The following ANKRD26 variants were observed in gnomAD, a reference collection of about 807,000 sequenced individuals.
ANKRD26 encodes ankyrin repeat domain-containing protein 26.
ANKRD26 carries 141 observed loss-of-function variants against 208.7 expected under a neutral mutation model. The ratio of observed to expected loss-of-function variants is 0.68; its 90% CI spans 0.59 to 0.78. ANKRD26 has a LOEUF of 0.78. Ranked by LOEUF, ANKRD26 falls within the 30% of genes least tolerant of loss-of-function variation. The pLI, the probability that ANKRD26 is intolerant of heterozygous loss-of-function variation, is 0.00. For synonymous variants in ANKRD26, 636 were observed against 660.4 expected (o/e 0.96, Z 0.57); for missense variants, 1,889 against 1,938.7 (o/e 0.97, Z 0.48).
intron 4 of ANKRD26, among the ~76,000 whole-genome samples, chr10:26,997,752 C>T (rs929474706): frequency 6.6e-6 from 1 of 152,138 alleles, no homozygotes; most frequent in Non-Finnish European, 1.5e-5. Context: ...TCTCAGGTAG[C>T]CATGTGTTTC....
At chr10:27,046,548 CAG>C in intron 17 of ANKRD26, 25 bp from the exon 18 acceptor site, 1 of 1,607,454 alleles carries the variant, frequency 6.2e-7, no homozygotes, top group East Asian at 2.2e-5. Context: ...TGGGAAATGA[CAG>C]TTACATAAGA....
At chr10:27,052,931 G>A (rs1016183847) in intron 16 of ANKRD26, among the ~76,000 whole-genome samples, 3 of 152,138 alleles carry the variant, frequency 2.0e-5, no homozygotes, top group Admixed American at 6.5e-5. Context: ...ACTCCTTTAA[G>A]ATGAATCCAA....
chr10:26,968,117 C>T, the ANKRD26 span, among the ~76,000 whole-genome samples: 1 of 152,172 alleles, frequency 6.6e-6, no homozygotes, highest in South Asian at 2.1e-4. Context: ...CTTTATAGGT[C>T]TCCAAGTTTT....
At chr10:27,068,905 G>A (rs1312391829) in intron 9 of ANKRD26, among the ~76,000 whole-genome samples, 3 of 151,202 alleles carry the variant, frequency 2.0e-5, no homozygotes, top group South Asian at 2.1e-4. Context: ...TATGAGAAAC[G>A]AGGTCGGGCG....
chr10:27,093,798 T>C lies in ANKRD26; in HGVS notation c.244A>G (p.Thr82Ala), dbSNP rs2056378213. The C allele has an allele frequency of 1.2e-6, 2 of 1,611,946 alleles. No homozygotes were observed. The highest frequency in any genetic ancestry group is 1.3e-5 in the African/African-American group (1 of 74,850). ...TTGGCACAGGCCAAATGTAGAGCCG[T>C]CCTATGAGAGTGACAGGACTTTTTA... ...GLNDRDKMNRTALHLACANGH... is the reference protein window; with the variant it reads ...GLNDRDKMNRAALHLACANGH... The change falls in exon 2 of 34, where the codon ACG (threonine) becomes GCG (alanine). Residue 82 changes from threonine (T) to alanine (A), a missense_variant and splice_region_variant. Physicochemically the swap from Thr to Ala is moderately conservative, Grantham distance 58. Transcript: ENST00000376087.
chr10:27,077,961 G>A (rs761586487), intron 7 of ANKRD26, among the ~76,000 whole-genome samples: 14 of 152,152 alleles, frequency 9.2e-5, no homozygotes, highest in Non-Finnish European at 1.5e-4. Flanking sequence ...ATATCTGTTC[G>A]ATTATTTTCT....
chr10:27,057,359 T>C (rs752164735), intron 15 of ANKRD26, among the ~76,000 whole-genome samples: 4 of 152,222 alleles, frequency 2.6e-5, no homozygotes, highest in Non-Finnish European at 5.9e-5. Context: ...CTCAGCAATG[T>C]CTGTTACCTA....
At chr10:27,033,701 T>G (rs962143823) in intron 24 of ANKRD26, among the ~76,000 whole-genome samples, 3 of 152,224 alleles carry the variant, frequency 2.0e-5, no homozygotes, top group Non-Finnish European at 2.9e-5. Flanking sequence ...GTGGAACTGG[T>G]AGTGATTAAT....
At chr10:27,058,226 A>G (rs772924591) in intron 15 of ANKRD26, among the ~76,000 whole-genome samples, 2 of 152,194 alleles carry the variant, frequency 1.3e-5, no homozygotes, top group South Asian at 2.1e-4. Context: ...CAAACCATAC[A>G]TATGGTTTAA....
Position 27,100,368 on chromosome 10 carries a change from C to A in ANKRD26, c.-42G>T. The A allele has an allele frequency of 6.2e-7, 1 of 1,600,812 alleles. No homozygotes were observed. ...CTTCAGAGACACCTCATGTCTCTCT[C>A]GGCTCTTAACGGCCTCCGGAGCCCA... On this transcript the variant is annotated 5_prime_UTR_variant, in exon 1 of 34. Transcript: ENST00000376087.
At chr10:26,973,951 C>T (rs183105315) in exon 6 of ANKRD26, among the ~76,000 whole-genome samples, 86 of 152,080 alleles carry the variant, frequency 5.7e-4, no homozygotes, top group Non-Finnish European at 8.8e-5. Flanking sequence ...GCCACTGTGC[C>T]TGGCTTTGTT....
At chr10:26,997,229 A>C (rs1319476228) in intron 4 of ANKRD26, among the ~76,000 whole-genome samples, 8 of 152,120 alleles carry the variant, frequency 5.3e-5, no homozygotes, top group Non-Finnish European at 1.5e-5. Flanking sequence ...ATAGGTTTTG[A>C]TTTAAAACCT....
chr10:26,975,100 T>C (rs1204803177), exon 6 of ANKRD26, among the ~76,000 whole-genome samples: 1 of 152,230 alleles, frequency 6.6e-6, no homozygotes, highest in African/African-American at 2.4e-5. Flanking sequence ...AGCTAGGGCA[T>C]GGTTTTAACT....
intron 17 of ANKRD26, among the ~76,000 whole-genome samples, chr10:27,048,325 ACATT>A (rs2054531395): frequency 2.0e-5 from 3 of 152,180 alleles, no homozygotes; most frequent in South Asian, 2.1e-4. Context: ...TAAAATACAT[ACATT>A]ATTTAACATG....
intron 4 of ANKRD26, among the ~76,000 whole-genome samples, chr10:26,996,128 G>A (rs2052586716): frequency 1.3e-5 from 2 of 152,170 alleles, no homozygotes; most frequent in Admixed American, 6.6e-5. Flanking sequence ...TTATGATATT[G>A]TTTACTGCTC....
chr10:26,958,014 C>T, the ANKRD26 span, among the ~76,000 whole-genome samples: 64,275 of 151,082 alleles, frequency 0.43, 16,345 homozygotes, highest in Non-Finnish European at 0.54. Flanking sequence ...TGTAGGTTTG[C>T]TACATAGGTA....
chr10:27,048,876 C>CCAT lies in ANKRD26; in HGVS notation c.1736_1738dup (p.Asp579dup), dbSNP rs561705414. On this transcript the variant is annotated inframe_insertion, in exon 17 of 34. Coordinates refer to ENST00000376087, the MANE Select transcript of ANKRD26 (RefSeq NM_014915.3). ...TCCACTCTTTCTTTTTTGAATTAAT[C>CCAT]CATCATCATCATCATCATCTTCAGC... The CCAT allele has an allele frequency of 3.7e-5, 60 of 1,612,728 alleles. No individual in the cohort carries two copies. Among genetic ancestry groups the CCAT allele is most frequent in the African/African-American group, 6.7e-5 (5 of 74,830 alleles).
At chr10:27,070,461 T>C (rs1390533871) in intron 9 of ANKRD26, among the ~76,000 whole-genome samples, 1 of 152,142 alleles carries the variant, frequency 6.6e-6, no homozygotes, top group Non-Finnish European at 1.5e-5. Context: ...TCTTCAAATA[T>C]ATCTATGATT....
chr10:26,976,474 C>G (rs987081139), intron 5 of ANKRD26, among the ~76,000 whole-genome samples: 1 of 152,130 alleles, frequency 6.6e-6, no homozygotes, highest in Non-Finnish European at 1.5e-5. Context: ...CTCAGCCTCC[C>G]AAAGTGCTGG....
Sources: allele counts gnomAD v4.1 joint callset (sites outside exome capture counted in the v4.1 genomes callset), GRCh38; gene constraint gnomAD v4.1.1; transcripts MANE v1.5; gene names NCBI Gene and HGNC (gene_info 2026-07-23, HGNC 2026-07-21).